Variants in TLN2 observed in about 807,000 individuals in gnomAD.
TLN2 encodes talin-2.
In TLN2, 118 loss-of-function variants were observed where a neutral mutation model predicts 294.7. The ratio of observed to expected loss-of-function variants is 0.40; its 90% CI spans 0.34 to 0.47. The LOEUF is 0.47. TLN2 is among the 20% of genes least tolerant of loss of function. The pLI, the probability that TLN2 is intolerant of heterozygous loss-of-function variation, is 0.84. For missense variants in TLN2, 3,083 were observed against 3,282.2 expected (o/e 0.94, Z 1.48); for synonymous variants, 1,431 against 1,304.5 (o/e 1.10, Z -2.09).
chr15:62,696,029 C>T (rs921577872), intron 14 of TLN2, among the ~76,000 whole-genome samples: 5 of 152,196 alleles, frequency 3.3e-5, no homozygotes, highest in Admixed American at 3.3e-4. Context: ...CTAGACCTTC[C>T]ACTTCTTCCT....
intron 1 of TLN2, among the ~76,000 whole-genome samples, chr15:62,578,925 A>G (rs143894400): frequency 6.6e-6 from 1 of 152,110 alleles, no homozygotes; most frequent in Non-Finnish European, 1.5e-5. Flanking sequence ...TTAGCACCCT[A>G]TGTTGTGGAC....
At chr15:62,790,057 A>G (rs1347050252) in intron 45 of TLN2, among the ~76,000 whole-genome samples, 1 of 152,206 alleles carries the variant, frequency 6.6e-6, no homozygotes, top group Admixed American at 6.5e-5. Context: ...CGCAGTGGTC[A>G]AGAACTGGGA....
chr15:62,568,022 A>G (rs1373025857), intron 1 of TLN2, among the ~76,000 whole-genome samples: 3 of 152,098 alleles, frequency 2.0e-5, no homozygotes, highest in Admixed American at 6.5e-5. Flanking sequence ...ACTTTCCCCT[A>G]CTGAGTTGAG....
intron 44 of TLN2, 74 bp downstream of exon 44, chr15:62,781,315 C>A: frequency 1.7e-6 from 2 of 1,169,006 alleles, no homozygotes; most frequent in Non-Finnish European, 2.5e-6. Context: ...GCCTGCAAAT[C>A]CCAGATCTGT....
intron 1 of TLN2, among the ~76,000 whole-genome samples, chr15:62,407,868 T>C (rs768300904): frequency 2.0e-5 from 3 of 151,620 alleles, no homozygotes; most frequent in Non-Finnish European, 4.4e-5. Flanking sequence ...TGAGCTAAGA[T>C]CACACCACAA....
At chr15:62,610,823 A>G (rs1055345342) in intron 2 of TLN2, among the ~76,000 whole-genome samples, 2 of 152,222 alleles carry the variant, frequency 1.3e-5, no homozygotes, top group Admixed American at 1.3e-4. Context: ...TACAGGCTCT[A>G]CAAATAATGA....
chr15:62,597,476 C>T (rs2046629453), intron 2 of TLN2, among the ~76,000 whole-genome samples: 1 of 152,174 alleles, frequency 6.6e-6, no homozygotes. Context: ...TGAAGCTAGC[C>T]TCCAGTTCTT....
intron 1 of TLN2, among the ~76,000 whole-genome samples, chr15:62,398,918 G>A (rs1262805932): frequency 1.3e-5 from 2 of 152,108 alleles, no homozygotes; most frequent in Admixed American, 6.5e-5. Context: ...GACCTTTGCG[G>A]CAGCCCCTCC....
chr15:62,673,310 C>CTTTTT lies in TLN2; in HGVS notation c.789-503_789-499dup, dbSNP rs56258541. 2.2e-3 allele frequency among the ~76,000 whole-genome samples: 93 copies of CTTTTT among 42,890 alleles called. 5 individuals are homozygous for CTTTTT. The highest frequency in any genetic ancestry group is 2.5e-3 in the African/African-American group (34 of 13,432). 28.1% of individuals were successfully genotyped at this position (42,890 alleles called of 152,430 possible). ...GTTTGCTTTAGATTTTTAGATGTTG[C>CTTTTT]TTTTTTTTTTTTTTTTTTGCAATTT... On this transcript the variant is annotated intron_variant, in intron 9 of 58. Transcript: ENST00000636159.
intron 1 of TLN2, among the ~76,000 whole-genome samples, chr15:62,468,762 A>G (rs944843155): frequency 2.9e-5 from 2 of 69,656 alleles, no homozygotes; most frequent in Admixed American, 4.0e-4. Flanking sequence ...AAATAAAAAT[A>G]AAAAAAATAC....
At chr15:62,739,893 G>A (rs577897913) in intron 31 of TLN2, among the ~76,000 whole-genome samples, 187 of 152,224 alleles carry the variant, frequency 1.2e-3, no homozygotes, top group Middle Eastern at 6.8e-3. Flanking sequence ...AAATATATAT[G>A]TATTTGAGGT....
At chr15:62,738,879 A>G (rs909009052) in intron 30 of TLN2, among the ~76,000 whole-genome samples, 1 of 152,218 alleles carries the variant, frequency 6.6e-6, no homozygotes, top group African/African-American at 2.4e-5. Context: ...ATGACATTTA[A>G]AAGTTATTAG....
At chr15:62,731,096 TTAATTG>T (rs1333777136) in intron 28 of TLN2, among the ~76,000 whole-genome samples, 6 of 152,178 alleles carry the variant, frequency 3.9e-5, no homozygotes, top group African/African-American at 1.4e-4. Flanking sequence ...AGTTGAGATT[TTAATTG>T]TAAGTATCAT....
intron 1 of TLN2, among the ~76,000 whole-genome samples, chr15:62,462,688 C>T (rs1235849288): frequency 1.3e-5 from 2 of 152,278 alleles, no homozygotes; most frequent in African/African-American, 2.4e-5. Flanking sequence ...AATGGCCTGG[C>T]GCTGTGGGTG....
intron 30 of TLN2, among the ~76,000 whole-genome samples, 153 bp from the exon 31 acceptor site, chr15:62,739,195 A>G (rs1030715923): frequency 1.3e-5 from 2 of 152,214 alleles, no homozygotes; most frequent in Admixed American, 6.5e-5. Context: ...GGTCAAACCT[A>G]TTAATAAAAT....
Position 62,840,663 on chromosome 15 carries a change from A to T in TLN2, c.*53A>T. The T allele has an allele frequency of 4.4e-6, 7 of 1,585,696 alleles. No homozygotes were observed. Among genetic ancestry groups the T allele is most frequent in the Middle Eastern group, 3.4e-4 (2 of 5,814 alleles). ...GGGGATGGCCCTGGCTGAACTGGAC[A>T]GACAGTGTTCCTGAGAGGCTGGGCA... On this transcript the variant is annotated 3_prime_UTR_variant, in exon 59 of 59. Transcript: ENST00000636159.
At chr15:62,405,941 C>G (rs1374852457) in intron 1 of TLN2, among the ~76,000 whole-genome samples, 1 of 152,194 alleles carries the variant, frequency 6.6e-6, no homozygotes, top group Admixed American at 6.5e-5. Context: ...TCGGGCTGAG[C>G]TGGCTCTTTG....
Position 62,445,940 on chromosome 15 carries a change from C to T in TLN2, c.-238+55255C>T, listed in dbSNP as rs182960842. 5.1e-4 allele frequency among the ~76,000 whole-genome samples: 77 copies of T among 152,188 alleles called. 1 individual carries two copies. Among genetic ancestry groups the T allele is most frequent in the Non-Finnish European group, 9.3e-4 (63 of 67,998 alleles). On this transcript the variant is annotated intron_variant, in intron 1 of 58. Transcript: ENST00000636159. ...TGCTGGGATTACAGGCATGAGCCAT[C>T]GCCTACTGGCCCTTTCTTGATATTC...
At chr15:62,537,204 C>G (rs916712196) in intron 1 of TLN2, among the ~76,000 whole-genome samples, 4 of 152,108 alleles carry the variant, frequency 2.6e-5, no homozygotes, top group Non-Finnish European at 5.9e-5. Context: ...ATTTTTAGTA[C>G]AGATGGGGTT....
Sources: gnomAD v4.1 joint callset for allele counts (sites outside exome capture counted in the v4.1 genomes callset) on GRCh38, gnomAD v4.1.1 for gene constraint, MANE v1.5 for transcripts, NCBI Gene and HGNC (gene_info 2026-07-23, HGNC 2026-07-21) for gene names.